ARHGAP15: variants seen among roughly 807,000 people sequenced by gnomAD.
ARHGAP15 encodes the protein Rho GTPase activating protein 15, also known as rho GTPase-activating protein 15.
A neutral mutation model predicts 63.7 loss-of-function variants in ARHGAP15; 51 were observed. That is an observed-to-expected ratio of 0.80 (90% confidence interval 0.64 to 1.01). ARHGAP15 has a LOEUF of 1.01. ARHGAP15 is among the 50% of genes least tolerant of loss of function. The pLI, the probability that ARHGAP15 is intolerant of heterozygous loss-of-function variation, is 0.00. For synonymous variants in ARHGAP15, 191 were observed against 193.8 expected (o/e 0.99, Z 0.12); for missense variants, 560 against 564.6 (o/e 0.99, Z 0.08).
In ARHGAP15 at chr2:143,703,678, T is replaced by A. The variant is rs753146773; in HGVS notation, c.1244+154T>A. ...AGGTCTTTCTGCAGAAGCTGGAGAA[T>A]GTGTTAGGGATAGGAAGGACAATCT... On this transcript the variant is annotated intron_variant, in intron 13 of 13. Coordinates refer to ENST00000295095, the MANE Select transcript of ARHGAP15 (RefSeq NM_018460.4). 1.2e-5 allele frequency: 7 copies of A among 588,714 alleles called. No homozygotes were observed. In the Admixed American group the frequency reaches 1.7e-4, roughly 14 times the overall value. The allele number at this position is 588,714 out of a possible 1,614,324, so 36.5% of individuals were successfully genotyped here.
chr2:143,143,701 A>G (rs1689468826), intron 1 of ARHGAP15, among the ~76,000 whole-genome samples: 1 of 151,922 alleles, frequency 6.6e-6, no homozygotes, highest in Non-Finnish European at 1.5e-5. Context: ...ATGCTAAGCC[A>G]TTCTATCCAG....
At chr2:143,499,310 A>G (rs1692953769) in intron 9 of ARHGAP15, among the ~76,000 whole-genome samples, 1 of 152,196 alleles carries the variant, frequency 6.6e-6, no homozygotes. Flanking sequence ...CAGAATAACT[A>G]CAGATGCCTC....
chr2:143,332,096 T>C (rs1275875448), intron 6 of ARHGAP15, among the ~76,000 whole-genome samples: 2 of 152,140 alleles, frequency 1.3e-5, no homozygotes, highest in African/African-American at 4.8e-5. Context: ...GTCAACCTAT[T>C]ACGTAAATAA....
At chr2:143,623,967 T>C (rs527792909) in intron 11 of ARHGAP15, among the ~76,000 whole-genome samples, 166 bp from the exon 12 acceptor site, 1 of 152,190 alleles carries the variant, frequency 6.6e-6, no homozygotes, top group Non-Finnish European at 1.5e-5. Flanking sequence ...AAATGTTCCC[T>C]TCCTACGGAA....
chr2:143,343,445 G>C (rs1165873100), intron 6 of ARHGAP15, among the ~76,000 whole-genome samples: 2 of 152,002 alleles, frequency 1.3e-5, no homozygotes, highest in East Asian at 3.9e-4. Flanking sequence ...ATTGGACTAA[G>C]AATGTTTTAT....
chr2:143,404,979 T>C (rs1177198686), intron 6 of ARHGAP15, among the ~76,000 whole-genome samples: 2 of 151,968 alleles, frequency 1.3e-5, no homozygotes, highest in African/African-American at 2.4e-5. Flanking sequence ...GAAACCCATA[T>C]TATCAAAATT....
intron 13 of ARHGAP15, among the ~76,000 whole-genome samples, chr2:143,734,172 T>C (rs1010099407): frequency 3.3e-5 from 5 of 152,166 alleles, no homozygotes; most frequent in African/African-American, 1.2e-4. Flanking sequence ...TCATCAGAGA[T>C]AGCCAGGGGC....
chr2:143,724,960 ATCTAATAACCACAC>A lies in ARHGAP15; in HGVS notation c.1244+21441_1244+21454del, dbSNP rs1431404007. Among the ~76,000 whole-genome samples, 10 of 152,214 alleles carry A rather than the reference ATCTAATAACCACAC, an allele frequency of 6.6e-5. No homozygotes were observed. The South Asian group carries it at 1.2e-3, about 19-fold the overall frequency. ...AATGTCTAATAACCTCCACCCACTT[ATCTAATAACCACAC>A]TCTAGCACAGAGATAACTCAAGTTC... On this transcript the variant is annotated intron_variant, in intron 13 of 13. Transcript: ENST00000295095.
rs565627285 is a variant in ARHGAP15, at chr2:143,419,160, C to A, written c.475-16441C>A. ...AGTAAGAAATTCTAAGAAAAAAAAA[C>A]CACAAATGCCTAATTATAAAAGAAA... On this transcript the variant is annotated intron_variant, in intron 6 of 13. Coordinates refer to ENST00000295095, the MANE Select transcript of ARHGAP15 (RefSeq NM_018460.4). 2.3e-4 allele frequency among the ~76,000 whole-genome samples: 31 copies of A among 132,954 alleles called. No homozygotes were observed. In the East Asian group the frequency reaches 4.8e-3, roughly 21 times the overall value. 87.2% of individuals were successfully genotyped at this position (132,954 alleles called of 152,430 possible). A position where few individuals can be genotyped will look rare whatever the true frequency, so the allele number is the denominator to read the frequency against.
At chr2:143,586,036 C>T (rs1296992475) in intron 11 of ARHGAP15, among the ~76,000 whole-genome samples, 1 of 152,060 alleles carries the variant, frequency 6.6e-6, no homozygotes, top group East Asian at 1.9e-4. Flanking sequence ...AAGAGCATGT[C>T]ACGGTATAAA....
chr2:143,638,781 CTAATACTA>C (rs979461588), intron 12 of ARHGAP15, among the ~76,000 whole-genome samples: 16 of 150,502 alleles, frequency 1.1e-4, no homozygotes, highest in Admixed American at 9.9e-4. Flanking sequence ...ATTTGAATCA[CTAATACTA>C]TAAACTATTA....
chr2:143,683,002 A>G (rs117434589), intron 12 of ARHGAP15: 2 of 152,332 alleles, frequency 1.3e-5, no homozygotes, highest in East Asian at 3.9e-4. Flanking sequence ...TTTGGAATAC[A>G]TTGTGGTTAA....
rs1013267281 is a variant in ARHGAP15 at position 143,571,236 on chromosome 2, A to T, written c.1003+14751A>T. On this transcript the variant is annotated intron_variant, in intron 11 of 13. Coordinates refer to ENST00000295095, the MANE Select transcript of ARHGAP15 (RefSeq NM_018460.4). Reference sequence around the variant, plus strand: ...ATGGTGAGCATGTAACAATAATAGAAATAAGGTGTACAATAAATGTAATGT... The same window carrying T: ...ATGGTGAGCATGTAACAATAATAGATATAAGGTGTACAATAAATGTAATGT... 2.0e-5 allele frequency among the ~76,000 whole-genome samples: 3 copies of T among 152,172 alleles called. No individual in the cohort carries two copies. In the East Asian group the frequency reaches 5.8e-4, roughly 29 times the overall value.
At chr2:143,359,292 C>A (rs74780361) in intron 6 of ARHGAP15, among the ~76,000 whole-genome samples, 1,992 of 152,276 alleles carry the variant, frequency 0.013, 24 homozygotes, top group African/African-American at 0.046. Context: ...ACCTTCCTTA[C>A]TCCATCTTGC....
At chr2:143,165,247 T>C (rs917706417) in intron 2 of ARHGAP15, among the ~76,000 whole-genome samples, 1 of 152,092 alleles carries the variant, frequency 6.6e-6, no homozygotes, top group Admixed American at 6.6e-5. Flanking sequence ...TTTTATTCCT[T>C]TGTGAAGAAA....
chr2:143,556,296 G>T, intron 10 of ARHGAP15, 112 bp from the exon 11 acceptor site: 1 of 729,662 alleles, frequency 1.4e-6, no homozygotes, highest in Non-Finnish European at 2.2e-6. Context: ...CACACAAATT[G>T]GTTTTATCTG....
chr2:143,247,580 A>G (rs1352851181), intron 5 of ARHGAP15, among the ~76,000 whole-genome samples: 1 of 152,226 alleles, frequency 6.6e-6, no homozygotes, highest in African/African-American at 2.4e-5. Context: ...AGACTGTTTT[A>G]CCCACAGGTT....
In ARHGAP15 at chr2:143,145,926, T is replaced by TGG. The variant is rs1311010782; in HGVS notation, c.-14-9551_-14-9550insGG. 4.6e-4 allele frequency among the ~76,000 whole-genome samples: 69 copies of TGG among 151,382 alleles called. No homozygotes were observed. The Middle Eastern group carries it at 0.028, about 61-fold the overall frequency. ...TGTAACTTTATTTCCATATGGAATA[T>TGG]ATATATATCTCACACCAAACACAAA... On this transcript the variant is annotated intron_variant, in intron 1 of 13. Coordinates refer to ENST00000295095, the MANE Select transcript of ARHGAP15 (RefSeq NM_018460.4).
chr2:143,188,870 T>A (rs933258717), intron 2 of ARHGAP15, among the ~76,000 whole-genome samples: 1 of 151,850 alleles, frequency 6.6e-6, no homozygotes, highest in African/African-American at 2.4e-5. Context: ...GTGATCCACC[T>A]GCCTCGGCCT....
Sources: allele counts gnomAD v4.1 joint callset (sites outside exome capture counted in the v4.1 genomes callset), GRCh38; gene constraint gnomAD v4.1.1; transcripts MANE v1.5; gene names NCBI Gene and HGNC (gene_info 2026-07-23, HGNC 2026-07-21).